The following MYO1D variants were observed in gnomAD, a reference collection of about 807,000 sequenced individuals.
MYO1D encodes the protein unconventional myosin-Id.
In MYO1D, 83 loss-of-function variants were observed where a neutral mutation model predicts 122.0. The observed-to-expected ratio is 0.68, with a 90% CI of 0.57 to 0.82. The LOEUF (loss-of-function observed/expected upper bound fraction) is 0.82. MYO1D is among the 40% of genes least tolerant of loss of function. MYO1D has a pLI of 0.00. For synonymous variants in MYO1D, 464 were observed against 446.9 expected, an observed-to-expected ratio of 1.04 and a Z score of -0.48; for missense variants, 1,157 against 1,269.5, an observed-to-expected ratio of 0.91 and a Z score of 1.35.
chr17:32,808,950 T>C (rs988159482), intron 1 of MYO1D, among the ~76,000 whole-genome samples: 7 of 152,202 alleles, frequency 4.6e-5, no homozygotes, highest in African/African-American at 1.7e-4. Context: ...ATTTTATGCC[T>C]TTAGGTATAG....
At chr17:32,526,893 T>C (rs1910360970) in intron 21 of MYO1D, among the ~76,000 whole-genome samples, 1 of 152,230 alleles carries the variant, frequency 6.6e-6, no homozygotes, top group East Asian at 1.9e-4. Flanking sequence ...CATCTGGAAC[T>C]GTTTTTCATT....
chr17:32,668,555 A>G (rs2088666875), intron 16 of MYO1D, among the ~76,000 whole-genome samples: 1 of 152,220 alleles, frequency 6.6e-6, no homozygotes, highest in African/African-American at 2.4e-5. Flanking sequence ...CAGAGTTCTA[A>G]AAGTACATTC....
chr17:32,562,853 AT>A (rs2087138352), intron 21 of MYO1D, among the ~76,000 whole-genome samples: 1 of 152,238 alleles, frequency 6.6e-6, no homozygotes, highest in Non-Finnish European at 1.5e-5. Context: ...TTAATTCTAA[AT>A]GTACAACATA....
At chr17:32,713,127 T>G (rs948585811) in intron 15 of MYO1D, among the ~76,000 whole-genome samples, 1 of 152,258 alleles carries the variant, frequency 6.6e-6, no homozygotes, top group African/African-American at 2.4e-5. Context: ...CTTTCTTCAC[T>G]TGGGTTATAG....
chr17:32,797,167 C>T (rs937931934), intron 1 of MYO1D, among the ~76,000 whole-genome samples: 1 of 152,144 alleles, frequency 6.6e-6, no homozygotes, highest in African/African-American at 2.4e-5. Context: ...GATGGGGTTT[C>T]ACCATGTTGG....
intron 20 of MYO1D, among the ~76,000 whole-genome samples, chr17:32,630,297 C>T (rs2087986824): frequency 1.3e-5 from 2 of 152,124 alleles, no homozygotes; most frequent in African/African-American, 4.8e-5. Context: ...CTCCTGGGCT[C>T]AAGCAATCTT....
At chr17:32,670,388 T>C (rs1377173212) in intron 16 of MYO1D, among the ~76,000 whole-genome samples, 1 of 152,138 alleles carries the variant, frequency 6.6e-6, no homozygotes, top group East Asian at 1.9e-4. Flanking sequence ...ACCAATTGTA[T>C]ATATACACAC....
At chr17:32,678,658 T>C (rs1166639353) in intron 16 of MYO1D, among the ~76,000 whole-genome samples, 3 of 149,692 alleles carry the variant, frequency 2.0e-5, no homozygotes, top group Admixed American at 6.6e-5. Context: ...CAGTCTATCA[T>C]TGTTGGACAT....
At chr17:32,706,426 C>G (rs2089309433) in intron 16 of MYO1D, among the ~76,000 whole-genome samples, 1 of 151,894 alleles carries the variant, frequency 6.6e-6, no homozygotes, top group South Asian at 2.1e-4. Context: ...TATTATGGCA[C>G]AGAAAAGGTA....
At chr17:32,742,138 T>C (rs967164348) in intron 13 of MYO1D, among the ~76,000 whole-genome samples, 5 of 152,200 alleles carry the variant, frequency 3.3e-5, no homozygotes, top group Non-Finnish European at 5.9e-5. Flanking sequence ...ACTATTTACA[T>C]AGCACTTACA....
intron 1 of MYO1D, among the ~76,000 whole-genome samples, chr17:32,858,040 AT>A (rs1186700333): frequency 1.3e-5 from 2 of 152,234 alleles, no homozygotes; most frequent in Non-Finnish European, 2.9e-5. Flanking sequence ...GCATAACATC[AT>A]TTAATATTTT....
chr17:32,540,450 T>A (rs1910803909), intron 21 of MYO1D, among the ~76,000 whole-genome samples: 1 of 150,594 alleles, frequency 6.6e-6, no homozygotes, highest in African/African-American at 2.5e-5. Context: ...TAGAACTCAA[T>A]AATAAAAAGA....
At chr17:32,737,417 G>A (rs1346800266) in intron 14 of MYO1D, among the ~76,000 whole-genome samples, 1 of 150,708 alleles carries the variant, frequency 6.6e-6, no homozygotes, top group Non-Finnish European at 1.5e-5. Flanking sequence ...CTGGAGTGTA[G>A]TGGTGTGATC....
intron 1 of MYO1D, among the ~76,000 whole-genome samples, chr17:32,806,948 A>G (rs949922634): frequency 2.6e-5 from 4 of 152,226 alleles, no homozygotes; most frequent in African/African-American, 9.6e-5. Flanking sequence ...TAACTAAATA[A>G]CATAGGATGT....
At chr17:32,633,205 G>C (rs572970340) in intron 20 of MYO1D, among the ~76,000 whole-genome samples, 110 of 148,692 alleles carry the variant, frequency 7.4e-4, no homozygotes, top group African/African-American at 2.6e-3. Flanking sequence ...AACTAAAAAG[G>C]CTAGAAAAAG....
At chr17:32,818,185 T>G (rs536753808) in intron 1 of MYO1D, among the ~76,000 whole-genome samples, 5 of 145,324 alleles carry the variant, frequency 3.4e-5, no homozygotes, top group African/African-American at 1.3e-4. Context: ...TGTGAAAGAG[T>G]TGAGATTCAC....
At chr17:32,745,381 T>C (rs2089824567) in intron 12 of MYO1D, 96 bp from the exon 13 acceptor site, 1 of 705,296 alleles carries the variant, frequency 1.4e-6, no homozygotes, top group South Asian at 1.8e-5. Context: ...CACCGTTAAT[T>C]ATGCAATCAA....
intron 19 of MYO1D, among the ~76,000 whole-genome samples, chr17:32,648,059 T>C (rs1356814894): frequency 2.0e-5 from 3 of 151,916 alleles, no homozygotes; most frequent in African/African-American, 4.8e-5. Context: ...ACTAAAAATA[T>C]AAAAATTAGC....
At chr17:32,612,810 C>A (rs1185580199) in intron 20 of MYO1D, among the ~76,000 whole-genome samples, 1 of 151,612 alleles carries the variant, frequency 6.6e-6, no homozygotes, top group African/African-American at 2.4e-5. Flanking sequence ...GCTGTCTTGC[C>A]CAGGCTGGAG....
Sources: gnomAD v4.1 joint callset for allele counts (sites outside exome capture counted in the v4.1 genomes callset) on GRCh38, gnomAD v4.1.1 for gene constraint, MANE v1.5 for transcripts, NCBI Gene and HGNC (gene_info 2026-07-23, HGNC 2026-07-21) for gene names.